The following DCC variants were observed in gnomAD, a reference collection of about 807,000 sequenced individuals.
DCC encodes DCC netrin 1 receptor, also known as netrin receptor DCC.
DCC carries 58 observed loss-of-function variants against 172.5 expected under a neutral mutation model. That is an observed-to-expected ratio of 0.34 (90% confidence interval 0.27 to 0.42). The LOEUF (loss-of-function observed/expected upper bound fraction) is 0.42, where lower values mean the gene tolerates loss of function less well. Ranked by LOEUF, DCC falls within the 10% of genes least tolerant of loss-of-function variation. DCC has a pLI of 1.00. For synonymous variants in DCC, 709 were observed against 644.5 expected (o/e 1.10, Z -1.52); for missense variants, 1,740 against 1,791.0 (o/e 0.97, Z 0.51).
intron 2 of DCC, among the ~76,000 whole-genome samples, chr18:52,788,338 C>A (rs1201765812): frequency 1.3e-5 from 2 of 152,126 alleles, no homozygotes; most frequent in African/African-American, 4.8e-5. Context: ...TAGTAAGCAA[C>A]TTTATGTATC....
chr18:52,821,004 ACT>A, intron 2 of DCC, among the ~76,000 whole-genome samples: 1 of 152,008 alleles, frequency 6.6e-6, no homozygotes, highest in East Asian at 1.9e-4. Flanking sequence ...AAGTGGGTTT[ACT>A]CTGTTTTCGT....
At chr18:53,285,799 G>T (rs1264224569) in intron 12 of DCC, among the ~76,000 whole-genome samples, 1 of 152,158 alleles carries the variant, frequency 6.6e-6, no homozygotes, top group Admixed American at 6.5e-5. Context: ...AAGCCACAGG[G>T]GTAGAGCTGC....
intron 1 of DCC, among the ~76,000 whole-genome samples, chr18:52,424,049 G>T (rs976484255): frequency 2.0e-5 from 3 of 152,126 alleles, no homozygotes; most frequent in Admixed American, 2.0e-4. Flanking sequence ...GTAGATTCTT[G>T]TTCTGGGCTC....
chr18:53,228,112 A>G (rs1020394403), intron 12 of DCC, among the ~76,000 whole-genome samples: 2 of 152,136 alleles, frequency 1.3e-5, no homozygotes, highest in African/African-American at 2.4e-5. Flanking sequence ...AGAGATGCCT[A>G]TATTTCAATA....
intron 1 of DCC, among the ~76,000 whole-genome samples, chr18:52,522,704 A>G (rs1479557038): frequency 1.3e-5 from 2 of 152,200 alleles, no homozygotes; most frequent in South Asian, 2.1e-4. Context: ...AGTCATGTAT[A>G]AATGTCTCAT....
chr18:53,292,867 G>A (rs2057022528), intron 12 of DCC, among the ~76,000 whole-genome samples: 1 of 152,096 alleles, frequency 6.6e-6, no homozygotes, highest in Non-Finnish European at 1.5e-5. Context: ...TTATTTTTAT[G>A]TCTGTGAAAC....
At chr18:52,769,328 T>C (rs994571560) in intron 2 of DCC, among the ~76,000 whole-genome samples, 2 of 152,228 alleles carry the variant, frequency 1.3e-5, no homozygotes, top group Admixed American at 1.3e-4. Context: ...TAATGACATA[T>C]GATATAGAAT....
intron 5 of DCC, among the ~76,000 whole-genome samples, chr18:52,927,641 A>G (rs2040239862): frequency 6.6e-6 from 1 of 152,062 alleles, no homozygotes; most frequent in Non-Finnish European, 1.5e-5. Flanking sequence ...AATATTGAAA[A>G]TAAGCATCCA....
chr18:52,467,210 C>A (rs943533768), intron 1 of DCC, among the ~76,000 whole-genome samples: 8 of 151,952 alleles, frequency 5.3e-5, no homozygotes, highest in Non-Finnish European at 1.0e-4. Flanking sequence ...CCCCACCCCC[C>A]GACAGGCCCT....
chr18:52,842,244 A>G (rs940261182), intron 2 of DCC, among the ~76,000 whole-genome samples: 3 of 149,338 alleles, frequency 2.0e-5, no homozygotes, highest in African/African-American at 7.7e-5. Flanking sequence ...TTTTAGAAAC[A>G]TATATACATA....
intron 3 of DCC, among the ~76,000 whole-genome samples, chr18:52,918,506 C>T (rs2040072867): frequency 1.3e-5 from 2 of 152,042 alleles, no homozygotes; most frequent in Admixed American, 1.3e-4. Context: ...TAATTGTTTG[C>T]TCCTGGTACA....
At chr18:52,667,436 T>A (rs113497609) in intron 1 of DCC, among the ~76,000 whole-genome samples, 3 of 152,360 alleles carry the variant, frequency 2.0e-5, no homozygotes, top group Admixed American at 6.5e-5. Flanking sequence ...TAAATCTTCA[T>A]TTTGACTTTG....
chr18:52,491,224 C>G (rs1250146531), intron 1 of DCC, among the ~76,000 whole-genome samples: 1 of 152,056 alleles, frequency 6.6e-6, no homozygotes, highest in Non-Finnish European at 1.5e-5. Context: ...ATGTCATGCT[C>G]TCTACTAGGT....
chr18:52,893,622 G>A (rs2039685125), intron 2 of DCC, among the ~76,000 whole-genome samples: 1 of 152,056 alleles, frequency 6.6e-6, no homozygotes, highest in Admixed American at 6.6e-5. Context: ...TGTGAATTCT[G>A]TATTCCTACC....
chr18:53,042,279 T>G (rs1362217812), intron 5 of DCC, among the ~76,000 whole-genome samples: 1 of 152,094 alleles, frequency 6.6e-6, no homozygotes, highest in Non-Finnish European at 1.5e-5. Context: ...GTTTTTGTTA[T>G]TGGTTCTGTT....
rs984256291 is a variant in DCC at position 52,785,561 on chromosome 18, T to C, written c.412+33187T>C. On this transcript the variant is annotated intron_variant, in intron 2 of 28. Coordinates refer to ENST00000442544, the MANE Select transcript of DCC (RefSeq NM_005215.4). ...GGGGAAAAGCAGCTAGGGCTCCTCC[T>C]GGGGTCAATCTAAGGGTCCTCAGAA... is the stretch of plus-strand genomic sequence containing the variant. 3.3e-5 allele frequency among the ~76,000 whole-genome samples: 5 copies of C among 151,990 alleles called. 1 individual carries two copies. Among genetic ancestry groups the C allele is most frequent in the Non-Finnish European group, 7.4e-5 (5 of 67,974 alleles).
chr18:52,470,206 A>G (rs1319907582), intron 1 of DCC, among the ~76,000 whole-genome samples: 1 of 152,228 alleles, frequency 6.6e-6, no homozygotes, highest in Non-Finnish European at 1.5e-5. Context: ...CACCTTAGGA[A>G]TAGCCCTGAT....
intron 25 of DCC, chr18:53,481,183 T>C (rs139703149): frequency 7.8e-4 from 119 of 152,318 alleles, no homozygotes; most frequent in African/African-American, 2.7e-3. Flanking sequence ...ATTCTACTGC[T>C]CACCAGACCA....
At chr18:52,563,915 G>C (rs1428527940) in intron 1 of DCC, among the ~76,000 whole-genome samples, 1 of 152,076 alleles carries the variant, frequency 6.6e-6, no homozygotes, top group Non-Finnish European at 1.5e-5. Flanking sequence ...CTCACCCACT[G>C]TGTTCTAGTC....
Sources: gnomAD v4.1 joint callset for allele counts (sites outside exome capture counted in the v4.1 genomes callset) on GRCh38, gnomAD v4.1.1 for gene constraint, MANE v1.5 for transcripts, NCBI Gene and HGNC (gene_info 2026-07-23, HGNC 2026-07-21) for gene names.